ATM: variants seen among roughly 807,000 people sequenced by gnomAD.
ATM encodes ATM serine/threonine kinase.
A neutral mutation model predicts 387.0 loss-of-function variants in ATM; 308 were observed. The ratio of observed to expected loss-of-function variants is 0.80; its 90% confidence interval spans 0.73 to 0.87. ATM has a LOEUF of 0.87. Among genes scored for constraint, ATM ranks in the 40% least tolerant of loss-of-function variants. ATM has a pLI of 0.00. For missense variants in ATM, 3,312 were observed against 3,560.9 expected (o/e 0.93, Z 1.78); for synonymous variants, 1,156 against 1,187.3 (o/e 0.97, Z 0.54).
intron 1 of ATM, chr11:108,225,846 A>T (rs755963287): frequency 1.3e-5 from 2 of 152,164 alleles, no homozygotes; most frequent in Non-Finnish European, 2.9e-5. Flanking sequence ...TCCTTCCTTC[A>T]TAGGAAGATT....
At chr11:108,269,578 C>G (rs1045653950) in intron 18 of ATM, among the ~76,000 whole-genome samples, 3 of 152,190 alleles carry the variant, frequency 2.0e-5, no homozygotes, top group Non-Finnish European at 4.4e-5. Flanking sequence ...GCTCAACAAC[C>G]TTATATATAA....
intron 16 of ATM, among the ~76,000 whole-genome samples, chr11:108,262,973 G>C (rs2080996823): frequency 6.6e-6 from 1 of 152,010 alleles, no homozygotes; most frequent in Admixed American, 6.6e-5. Context: ...GGAGCACCCA[G>C]ATTCATAAAG....
rs1591523341 is a variant in ATM at position 108,250,799 on chromosome 11, A to G, written c.1334A>G (p.Gln445Arg). The change falls in exon 10 of 63, where the codon CAA (glutamine) becomes CGA (arginine). Residue 445 changes from glutamine to arginine, a missense_variant. Transcript: ENST00000675843. The part of the protein sequence containing the change: ...LLMILSQLLP[Q>R]QRHGERTPYV... ...ATGATACTATCTCAGCTTCTACCCC[A>G]ACAGCGACATGGGGAACGTACACCA... The G allele has an allele frequency of 1.2e-6, 2 of 1,613,776 alleles. No individual in the cohort carries two copies. Among genetic ancestry groups the G allele is most frequent in the African/African-American group, 2.7e-5 (2 of 74,864 alleles).
In ATM at chr11:108,280,811, T is replaced by C. The variant is rs1020943455; in HGVS notation, c.3403-184T>C. Reference sequence around the variant, plus strand: ...TTGTTTTTAAACATGTCAGTGCTTGTGATTTAGCAAAGGTATTGGTCCTTA... The same window carrying C: ...TTGTTTTTAAACATGTCAGTGCTTGCGATTTAGCAAAGGTATTGGTCCTTA... On this transcript the variant is annotated intron_variant, in intron 23 of 62. Transcript: ENST00000675843. Among the ~76,000 whole-genome samples the C allele has an allele frequency of 5.8e-4, 88 of 152,320 alleles. No individual in the cohort carries two copies. The highest frequency in any genetic ancestry group is 1.2e-4 in the Non-Finnish European group (8 of 68,002).
rs587779846 is a variant in ATM, at chr11:108,301,759, TC to T, written c.5290del (p.Leu1764TyrfsTer12). On this transcript the variant is annotated frameshift_variant, in exon 35 of 63. Transcript: ENST00000675843. LOFTEE classifies it high-confidence loss of function. The part of the protein sequence containing the change: ...KMTTDPMLAY[L>X]QPFRTSRKKF... ...TGACAACAGATCCAATGCTGGCCTA[TC>T]TACAGCCTTTTAGAACATCAAGAAA... is the stretch of plus-strand genomic sequence containing the variant. 1.7e-5 allele frequency: 28 copies of T among 1,613,608 alleles called. No homozygotes were observed. Among genetic ancestry groups the T allele is most frequent in the Non-Finnish European group, 2.0e-5 (24 of 1,179,758 alleles).
intron 50 of ATM, 86 bp from the exon 51 acceptor site, chr11:108,331,358 A>G: frequency 6.6e-7 from 1 of 1,524,992 alleles, no homozygotes; most frequent in Non-Finnish European, 8.8e-7. Context: ...ATAGAGGAGC[A>G]CTGTCTTAAA....
chr11:108,261,568 CA>C (rs1402057079), intron 16 of ATM, among the ~76,000 whole-genome samples: 1 of 152,060 alleles, frequency 6.6e-6, no homozygotes, highest in East Asian at 1.9e-4. Flanking sequence ...CTCTAAAAAG[CA>C]GAGCGCCTCT....
At position 108,282,786 on chromosome 11, in the gene ATM, T is replaced by C; in HGVS notation, c.3653T>C (p.Val1218Ala). The change falls in exon 25 of 63, where the codon GTT becomes GCT. Residue 1218 changes from valine to alanine, a missense_variant. Physicochemically the swap from Val to Ala is moderately conservative, Grantham distance 64. This residue lies in a region of ATM where 1,791 missense variants were observed against 1,804.5 expected (regional missense o/e 0.99). Coordinates refer to ENST00000675843, the MANE Select transcript of ATM (RefSeq NM_000051.4). ...ATGGCATCTCATTTAGATTATCTGG[T>C]TTTGGAATGGCTAAATCTTCAAGAT... ...DFMASHLDYLVLEWLNLQDTE... is the reference protein window; with the variant it reads ...DFMASHLDYLALEWLNLQDTE... 6.2e-7 allele frequency: 1 copy of C among 1,602,756 alleles called. No individual in the cohort carries two copies. Among genetic ancestry groups the C allele is most frequent in the Non-Finnish European group, 8.5e-7 (1 of 1,170,046 alleles).
At chr11:108,332,681 TTTTCTC>T (rs1457936705) in intron 52 of ATM, 75 bp from the exon 53 acceptor site, 1 of 1,457,504 alleles carries the variant, frequency 6.9e-7, no homozygotes, top group African/African-American at 1.4e-5. Context: ...TAAATTCTGT[TTTTCTC>T]TTTGTTTTTC....
intron 4 of ATM, among the ~76,000 whole-genome samples, chr11:108,232,157 C>CTTATAA (rs1325210778): frequency 6.6e-6 from 1 of 152,214 alleles, no homozygotes; most frequent in Non-Finnish European, 1.5e-5. Flanking sequence ...GAAAATGCAT[C>CTTATAA]AGCCTGTTGG....
At chr11:108,285,636 T>C (rs2082452887) in intron 26 of ATM, among the ~76,000 whole-genome samples, 3 of 152,070 alleles carry the variant, frequency 2.0e-5, no homozygotes, top group South Asian at 4.2e-4. Context: ...TTCCTAGTTA[T>C]CTATATTGAA....
In ATM at chr11:108,256,239, C is replaced by A. The variant is rs147515380; in HGVS notation, c.2149C>A (p.Arg717=). ...GATTACAAATTCAGAAACTCTTGTC[C>A]GGTGTTCACGTCTTTTGGTGGGTGT... ...SEITNSETLV[R]CSRLLVGVLG... Residue 717 remains arginine, a synonymous_variant, in exon 14 of 63, where the codon CGG becomes AGG. Transcript: ENST00000675843. 1 of 1,606,618 alleles carries A rather than the reference C, an allele frequency of 6.2e-7. No individual in the cohort carries two copies. Among genetic ancestry groups the A allele is most frequent in the Non-Finnish European group, 8.5e-7 (1 of 1,175,354 alleles).
At chr11:108,329,328 C>A (rs2086016555) in intron 49 of ATM, 90 bp downstream of exon 49, 12 of 1,190,650 alleles carry the variant, frequency 1.0e-5, no homozygotes, top group Non-Finnish European at 9.8e-6. Flanking sequence ...GTCTTTTTAT[C>A]TGATATAGTT....
chr11:108,263,701 T>C (rs1165613023), intron 16 of ATM, among the ~76,000 whole-genome samples: 1 of 147,940 alleles, frequency 6.8e-6, no homozygotes, highest in Non-Finnish European at 1.5e-5. Context: ...AGCTGGTTTT[T>C]TGAAAGGATC....
chr11:108,233,986 AAC>A (rs2079146380), intron 4 of ATM, among the ~76,000 whole-genome samples: 1 of 152,256 alleles, frequency 6.6e-6, no homozygotes, highest in African/African-American at 2.4e-5. Flanking sequence ...GTAGTTATTC[AAC>A]ACAAATTAAT....
chr11:108,255,041 T>C (rs2080387600), intron 13 of ATM, among the ~76,000 whole-genome samples: 1 of 152,246 alleles, frequency 6.6e-6, no homozygotes, highest in Non-Finnish European at 1.5e-5. Flanking sequence ...TATTTACATA[T>C]GGTTTGTATA....
rs11212576 is a variant in ATM, at chr11:108,273,600, C to T, written c.3284+748C>T. On this transcript the variant is annotated intron_variant, in intron 22 of 62. Coordinates refer to ENST00000675843, the MANE Select transcript of ATM (RefSeq NM_000051.4). The stretch of plus-strand genomic sequence containing the variant: ...CAGGTGATCCACCCACCTTGTCCTC[C>T]CAAAGTGCTGAGATTACAGGCGTGA... Among the ~76,000 whole-genome samples, 917 of 152,004 alleles carry T rather than the reference C, an allele frequency of 6.0e-3. 6 individuals are homozygous for T. Among genetic ancestry groups the T allele is most frequent in the East Asian group, 0.011 (55 of 5,148 alleles).
intron 61 of ATM, among the ~76,000 whole-genome samples, 164 bp from the exon 62 acceptor site, chr11:108,364,918 T>C (rs1265862515): frequency 6.6e-6 from 1 of 152,246 alleles, no homozygotes; most frequent in Non-Finnish European, 1.5e-5. Context: ...AGCATTATGC[T>C]AGGATAGTTT....
Position 108,229,240 on chromosome 11 carries a change from CAGCCTCA to C in ATM, c.250_256del (p.Ala84HisfsTer30). 6.2e-7 allele frequency: 1 copy of C among 1,613,606 alleles called. No individual in the cohort carries two copies. The highest frequency in any genetic ancestry group is 8.5e-7 in the Non-Finnish European group (1 of 1,179,708). On this transcript the variant is annotated frameshift_variant, in exon 4 of 63. Transcript: ENST00000675843. LOFTEE classifies it high-confidence loss of function. ...CTGAGAATAGCAAAACCAAATGTAT[CAGCCTCA>C]ACACAAGCCTCCAGGCAGAAAAAGA...
Sources: allele counts gnomAD v4.1 joint callset (sites outside exome capture counted in the v4.1 genomes callset), GRCh38; gene constraint gnomAD v4.1.1; regional missense constraint gnomAD v4.1.1; transcripts MANE v1.5; gene names NCBI Gene and HGNC (gene_info 2026-07-23, HGNC 2026-07-21).